The following CACNA2D3 variants were observed in gnomAD, a reference collection of about 807,000 sequenced individuals.
The protein encoded by CACNA2D3 is calcium voltage-gated channel auxiliary subunit alpha2delta 3.
In CACNA2D3, 60 loss-of-function variants were observed where a neutral mutation model predicts 160.6. That is an observed-to-expected ratio of 0.37 (90% CI 0.30 to 0.46). The LOEUF (loss-of-function observed/expected upper bound fraction) is 0.46, where lower values mean the gene tolerates loss of function less well. CACNA2D3 is among the 20% of genes least tolerant of loss of function. The pLI is 1.00. For synonymous variants in CACNA2D3, 558 were observed against 492.9 expected (o/e 1.13, Z -1.75); for missense variants, 1,205 against 1,365.0 (o/e 0.88, Z 1.85).
chr3:54,905,765 A>C (rs981428267), intron 27 of CACNA2D3, among the ~76,000 whole-genome samples: 2 of 152,156 alleles, frequency 1.3e-5, no homozygotes, highest in Non-Finnish European at 2.9e-5. Flanking sequence ...CCTCCACAAC[A>C]AAGAATTATG....
intron 11 of CACNA2D3, among the ~76,000 whole-genome samples, chr3:54,672,956 C>T (rs60225249): frequency 0.029 from 4,376 of 152,236 alleles, 196 homozygotes; most frequent in African/African-American, 0.1. Context: ...AGTCCAAACA[C>T]GTGGAAGCCA....
chr3:54,739,802 T>C lies in CACNA2D3; in HGVS notation c.1168-12797T>C, dbSNP rs946956129. ...GTGTGTGTGTGTGTGTGTGGAATTA[T>C]ATATATGTGTGTGTGTATATATATA... On this transcript the variant is annotated intron_variant, in intron 11 of 37. Coordinates refer to ENST00000474759, the MANE Select transcript of CACNA2D3 (RefSeq NM_018398.3). Among the ~76,000 whole-genome samples, 3 of 151,146 alleles carry C rather than the reference T, an allele frequency of 2.0e-5. No individual in the cohort carries two copies. The East Asian group carries it at 5.8e-4, about 29-fold the overall frequency.
intron 3 of CACNA2D3, among the ~76,000 whole-genome samples, chr3:54,358,078 G>T (rs935308391): frequency 1.1e-4 from 17 of 152,354 alleles, no homozygotes; most frequent in African/African-American, 3.8e-4. Context: ...TGGCTCATCA[G>T]TTGTAACATA....
At chr3:55,031,730 G>A (rs1039146372) in intron 35 of CACNA2D3, among the ~76,000 whole-genome samples, 1 of 152,062 alleles carries the variant, frequency 6.6e-6, no homozygotes, top group Non-Finnish European at 1.5e-5. Context: ...AAGCTTAACC[G>A]GCTAATGACA....
In CACNA2D3 at chr3:54,736,022, TAC is replaced by T. The variant is rs1252398786; in HGVS notation, c.1168-16575_1168-16574del. Among the ~76,000 whole-genome samples the T allele has an allele frequency of 2.3e-3, 189 of 81,362 alleles. 3 individuals are homozygous for T. The highest frequency in any genetic ancestry group is 0.01 in the African/African-American group (164 of 15,756). 53.4% of individuals were successfully genotyped at this position (81,362 alleles called of 152,430 possible). A position where few individuals can be genotyped will look rare whatever the true frequency, so the allele number is the denominator to read the frequency against. On this transcript the variant is annotated intron_variant, in intron 11 of 37. Transcript: ENST00000474759. ...ATATATATATGTATATATATACACA[TAC>T]ATATATATATGTATATATATACACA...
intron 4 of CACNA2D3, among the ~76,000 whole-genome samples, chr3:54,476,357 T>C (rs1311334799): frequency 6.6e-6 from 1 of 151,972 alleles, no homozygotes; most frequent in African/African-American, 2.4e-5. Context: ...TGAATAATGC[T>C]GCAATGATTG....
chr3:54,856,498 G>A (rs1699174048), intron 17 of CACNA2D3, among the ~76,000 whole-genome samples: 1 of 151,932 alleles, frequency 6.6e-6, no homozygotes, highest in Admixed American at 6.6e-5. Context: ...CCCTCACTTG[G>A]CATTTGTCTG....
chr3:54,736,100 C>CATATATATATATATATATATACATACAT (rs1205460988), intron 11 of CACNA2D3, among the ~76,000 whole-genome samples: 1 of 47,920 alleles, frequency 2.1e-5, no homozygotes, highest in African/African-American at 9.7e-5. Flanking sequence ...TATATATATA[C>CATATATATATATATATATATACATACAT]ATATATATGT....
chr3:54,717,817 CGTGTGTGTGGTGTGTGTGCGTGAGT>C (rs1274750284), intron 11 of CACNA2D3, among the ~76,000 whole-genome samples: 30 of 105,218 alleles, frequency 2.9e-4, no homozygotes, highest in African/African-American at 9.8e-4. Context: ...CGCATGTTTG[CGTGTGTGTGGTGTGTGTGCGTGAGT>C]GTGTGTGTGG....
At chr3:54,631,744 T>G (rs1699242107) in intron 10 of CACNA2D3, among the ~76,000 whole-genome samples, 1 of 152,234 alleles carries the variant, frequency 6.6e-6, no homozygotes. Flanking sequence ...CTAAGCCCCT[T>G]CAAGCTCTTG....
At chr3:55,035,431 A>T (rs1391688179) in intron 35 of CACNA2D3, among the ~76,000 whole-genome samples, 1 of 152,200 alleles carries the variant, frequency 6.6e-6, no homozygotes, top group Non-Finnish European at 1.5e-5. Context: ...TAATCAGGAA[A>T]ATTAAAGCAA....
intron 9 of CACNA2D3, among the ~76,000 whole-genome samples, chr3:54,595,887 C>T (rs1702944731): frequency 6.6e-6 from 1 of 152,028 alleles, no homozygotes; most frequent in Non-Finnish European, 1.5e-5. Flanking sequence ...CAGAACTCAC[C>T]CATCCATTCA....
chr3:54,736,063 A>ATATATATATACATACATATATATATG (rs1701507624), intron 11 of CACNA2D3, among the ~76,000 whole-genome samples: 5 of 26,684 alleles, frequency 1.9e-4, no homozygotes, highest in South Asian at 2.3e-3. Context: ...ATATGTATGT[A>ATATATATATACATACATATATATATG]TATATATATA....
At chr3:54,742,566 C>T (rs573475723) in intron 11 of CACNA2D3, among the ~76,000 whole-genome samples, 1 of 152,170 alleles carries the variant, frequency 6.6e-6, no homozygotes, top group Admixed American at 6.5e-5. Context: ...ACTTGTCCAC[C>T]CACTCAGCTC....
At chr3:54,149,154 C>G (rs1156447994) in intron 2 of CACNA2D3, among the ~76,000 whole-genome samples, 1 of 151,864 alleles carries the variant, frequency 6.6e-6, no homozygotes, top group African/African-American at 2.4e-5. Flanking sequence ...ATACTTGTCC[C>G]TGACATTTGT....
rs57761171 is a variant in CACNA2D3, at chr3:54,171,136, C to CTTTTTTTTTTTTTTTTTTTTTTTTTT, written c.204+47564_204+47565insTTTTTTTTTTTTTTTTTTTTTTTTTT. ...TCTGTTTACATTTTAAAGATGATGA[C>CTTTTTTTTTTTTTTTTTTTTTTTTTT]TTTTTTTTTTTTTTTTTTTTTTAGG... On this transcript the variant is annotated intron_variant, in intron 2 of 37. Transcript: ENST00000474759. 2.1e-4 allele frequency among the ~76,000 whole-genome samples: 13 copies of CTTTTTTTTTTTTTTTTTTTTTTTTTT among 62,560 alleles called. 3 individuals are homozygous for CTTTTTTTTTTTTTTTTTTTTTTTTTT. The highest frequency in any genetic ancestry group is 4.4e-4 in the African/African-American group (8 of 18,060). 41.0% of individuals were successfully genotyped at this position (62,560 alleles called of 152,430 possible).
In CACNA2D3 at chr3:55,018,309, C is replaced by T. The variant is rs1703372524; in HGVS notation, c.2979C>T (p.Asp993=). The change falls in exon 35 of 38, where the codon GAC becomes GAT. Residue 993 remains aspartate (D), a synonymous_variant. Coordinates refer to ENST00000474759, the MANE Select transcript of CACNA2D3 (RefSeq NM_018398.3). ...KETTGNIACE[D]CSKSFVIQQI... is the part of the protein sequence containing the mutation. ...CTACAGGGAATATTGCTTGTGAAGACTGCTCCAAGTAAGCCATCCCCCCAC... is the reference window on the plus strand; with the variant it reads ...CTACAGGGAATATTGCTTGTGAAGATTGCTCCAAGTAAGCCATCCCCCCAC... The T allele has an allele frequency of 1.9e-6, 3 of 1,603,914 alleles. No individual in the cohort carries two copies. Among genetic ancestry groups the T allele is most frequent in the Non-Finnish European group, 2.6e-6 (3 of 1,171,200 alleles).
At chr3:54,769,351 AATG>A (rs758763109) in intron 13 of CACNA2D3, among the ~76,000 whole-genome samples, 2 of 152,152 alleles carry the variant, frequency 1.3e-5, no homozygotes, top group African/African-American at 2.4e-5. Context: ...TGGCATTAGG[AATG>A]ATGATTGACT....
intron 9 of CACNA2D3, among the ~76,000 whole-genome samples, chr3:54,626,938 C>T (rs989790117): frequency 6.6e-6 from 1 of 152,170 alleles, no homozygotes; most frequent in Non-Finnish European, 1.5e-5. Context: ...CCTTTAATCT[C>T]TAGCTAATGC....
Sources: allele counts gnomAD v4.1 joint callset (sites outside exome capture counted in the v4.1 genomes callset), GRCh38; gene constraint gnomAD v4.1.1; transcripts MANE v1.5; gene names NCBI Gene and HGNC (gene_info 2026-07-23, HGNC 2026-07-21).